The following EPHA6 variants were observed in gnomAD, a reference collection of about 807,000 sequenced individuals.
EPHA6 encodes ephrin type-A receptor 6.
EPHA6 carries 50 observed loss-of-function variants against 112.0 expected under a neutral mutation model. The observed-to-expected ratio is 0.45, with a 90% CI of 0.36 to 0.56. EPHA6 has a LOEUF of 0.56. Among genes scored for constraint, EPHA6 ranks in the 20% least tolerant of loss-of-function variants. The pLI, the probability that EPHA6 is intolerant of heterozygous loss-of-function variation, is 0.00. For missense variants in EPHA6, 1,280 were observed against 1,417.4 expected (o/e 0.90, Z 1.56); for synonymous variants, 529 against 490.7 (o/e 1.08, Z -1.03).
Position 97,321,893 on chromosome 3 carries a change from G to A in EPHA6, c.1606+77606G>A, listed in dbSNP as rs567789553. On this transcript the variant is annotated intron_variant, in intron 5 of 17. Coordinates refer to ENST00000389672, the MANE Select transcript of EPHA6 (RefSeq NM_001080448.3). Reference sequence around the variant, plus strand: ...AAGGCTCAGTGTAAAATGAAAAGGCGGAGCTCTTTATTCAAATGTTATTAA... The same window carrying A: ...AAGGCTCAGTGTAAAATGAAAAGGCAGAGCTCTTTATTCAAATGTTATTAA... Among the ~76,000 whole-genome samples, 16 of 152,082 alleles carry A rather than the reference G, an allele frequency of 1.1e-4. No individual in the cohort carries two copies. In the South Asian group the frequency reaches 1.2e-3, roughly 12 times the overall value.
chr3:97,629,781 G>T (rs1296234746), intron 13 of EPHA6, among the ~76,000 whole-genome samples: 1 of 151,878 alleles, frequency 6.6e-6, no homozygotes, highest in African/African-American at 2.4e-5. Flanking sequence ...GACTTCACCA[G>T]ATACATATGC....
chr3:96,835,326 G>C (rs535499151), intron 1 of EPHA6, among the ~76,000 whole-genome samples: 12 of 152,146 alleles, frequency 7.9e-5, no homozygotes, highest in African/African-American at 2.9e-4. Context: ...CTTATCAAAG[G>C]CTTCAAAGGA....
intron 2 of EPHA6, among the ~76,000 whole-genome samples, chr3:96,984,338 G>T (rs983675537): frequency 2.0e-5 from 3 of 152,140 alleles, no homozygotes; most frequent in Non-Finnish European, 1.5e-5. Flanking sequence ...TGTTTGCCTG[G>T]GTATCTGCAG....
At chr3:97,362,384 A>C (rs1316690006) in intron 5 of EPHA6, among the ~76,000 whole-genome samples, 1 of 152,130 alleles carries the variant, frequency 6.6e-6, no homozygotes, top group East Asian at 1.9e-4. Context: ...ATTATTAAAG[A>C]TAAAACACCT....
intron 5 of EPHA6, among the ~76,000 whole-genome samples, chr3:97,371,851 C>A (rs1042578911): frequency 1.3e-5 from 2 of 152,022 alleles, no homozygotes; most frequent in Non-Finnish European, 2.9e-5. Flanking sequence ...CTTTTACCGT[C>A]GTACATAAGG....
intron 7 of EPHA6, among the ~76,000 whole-genome samples, chr3:97,451,287 T>A (rs1360552407): frequency 1.3e-5 from 2 of 152,004 alleles, no homozygotes; most frequent in Non-Finnish European, 2.9e-5. Flanking sequence ...CCTCATTTAA[T>A]TCTGACAAGA....
intron 3 of EPHA6, among the ~76,000 whole-genome samples, chr3:97,036,639 G>C (rs996933817): frequency 2.0e-5 from 3 of 151,984 alleles, no homozygotes; most frequent in Non-Finnish European, 4.4e-5. Flanking sequence ...TAGTTTTCAA[G>C]TGACATTCTT....
At chr3:97,641,578 G>A (rs1241016674) in intron 14 of EPHA6, among the ~76,000 whole-genome samples, 1 of 152,206 alleles carries the variant, frequency 6.6e-6, no homozygotes, top group Non-Finnish European at 1.5e-5. Context: ...AGGATAGTGG[G>A]TGCAGCGCAC....
chr3:96,889,369 C>T (rs72933461), intron 2 of EPHA6, among the ~76,000 whole-genome samples: 9 of 152,158 alleles, frequency 5.9e-5, no homozygotes, highest in East Asian at 5.8e-4. Flanking sequence ...CTAATAAAGA[C>T]GTATCCGAGA....
chr3:97,215,508 G>A (rs1157622898), intron 3 of EPHA6, among the ~76,000 whole-genome samples: 2 of 152,016 alleles, frequency 1.3e-5, no homozygotes, highest in African/African-American at 4.8e-5. Flanking sequence ...CTACTCAGGA[G>A]GCTGAGGCAG....
intron 5 of EPHA6, among the ~76,000 whole-genome samples, chr3:97,275,277 G>A (rs1232447800): frequency 3.9e-5 from 6 of 152,138 alleles, no homozygotes; most frequent in African/African-American, 1.4e-4. Context: ...TGAGAATTAT[G>A]CCGAGATAGG....
chr3:97,602,083 C>T (rs1366694451), intron 12 of EPHA6, among the ~76,000 whole-genome samples: 2 of 151,934 alleles, frequency 1.3e-5, no homozygotes, highest in African/African-American at 4.8e-5. Flanking sequence ...AGAGTTTTTG[C>T]AAAAGCATAT....
At chr3:97,405,652 G>C (rs1559964754) in intron 6 of EPHA6, among the ~76,000 whole-genome samples, 1 of 152,074 alleles carries the variant, frequency 6.6e-6, no homozygotes, top group Non-Finnish European at 1.5e-5. Flanking sequence ...CCTGAAGTGG[G>C]TTTTTGTAGC....
intron 6 of EPHA6, among the ~76,000 whole-genome samples, chr3:97,437,648 G>A (rs2089919597): frequency 6.6e-6 from 1 of 151,942 alleles, no homozygotes; most frequent in African/African-American, 2.4e-5. Context: ...TAAACTAAAT[G>A]TAATACTCAA....
chr3:97,049,113 G>A (rs549662871), intron 3 of EPHA6, among the ~76,000 whole-genome samples: 94 of 152,168 alleles, frequency 6.2e-4, no homozygotes, highest in Non-Finnish European at 1.2e-3. Flanking sequence ...GTGAGTGGGC[G>A]ACAAGGTCAG....
chr3:96,898,124 A>G (rs1158738543), intron 2 of EPHA6, among the ~76,000 whole-genome samples: 1 of 152,196 alleles, frequency 6.6e-6, no homozygotes. Flanking sequence ...TGAACATGGA[A>G]AACACCTATT....
chr3:96,832,066 G>A (rs142332152), intron 1 of EPHA6, among the ~76,000 whole-genome samples: 2 of 152,130 alleles, frequency 1.3e-5, no homozygotes, highest in Non-Finnish European at 2.9e-5. Context: ...ACCATGACTC[G>A]ACGCTATGTG....
intron 3 of EPHA6, among the ~76,000 whole-genome samples, chr3:97,076,547 A>C (rs2046532872): frequency 6.6e-6 from 1 of 152,184 alleles, no homozygotes; most frequent in South Asian, 2.1e-4. Flanking sequence ...TGATGTAAAA[A>C]CTGCAGCAAG....
At chr3:97,195,858 T>G (rs1203908056) in intron 3 of EPHA6, among the ~76,000 whole-genome samples, 1 of 152,100 alleles carries the variant, frequency 6.6e-6, no homozygotes, top group Non-Finnish European at 1.5e-5. Flanking sequence ...GTGCCAAATG[T>G]ATTGGAGTTT....
Sources: gnomAD v4.1 joint callset for allele counts (sites outside exome capture counted in the v4.1 genomes callset) on GRCh38, gnomAD v4.1.1 for gene constraint, MANE v1.5 for transcripts, NCBI Gene and HGNC (gene_info 2026-07-23, HGNC 2026-07-21) for gene names.